Variants in KCNK13 observed in about 807,000 individuals in gnomAD.
The protein encoded by KCNK13 is potassium channel subfamily K member 13.
Under a neutral mutation model 23.4 loss-of-function variants are expected in KCNK13, and 12 were observed. That is an observed-to-expected ratio of 0.51 (90% CI 0.33 to 0.83). KCNK13 has a LOEUF of 0.83. Ranked by LOEUF, KCNK13 falls within the 40% of genes least tolerant of loss-of-function variation. KCNK13 has a pLI of 0.02. For missense variants in KCNK13, 463 were observed against 556.3 expected (o/e 0.83, Z 1.69); for synonymous variants, 231 against 229.5 (o/e 1.01, Z -0.06).
chr14:90,159,594 CG>C (rs1419791468), intron 1 of KCNK13, among the ~76,000 whole-genome samples: 3 of 152,158 alleles, frequency 2.0e-5, no homozygotes, highest in African/African-American at 7.2e-5. Context: ...TCAGCAAACA[CG>C]GGGGCTTGGC....
At chr14:90,162,659 A>G (rs1890264068) in intron 1 of KCNK13, among the ~76,000 whole-genome samples, 2 of 152,260 alleles carry the variant, frequency 1.3e-5, no homozygotes, top group Admixed American at 1.3e-4. Flanking sequence ...ATTAAATATT[A>G]CATTGTTTTT....
Position 90,092,064 on chromosome 14 carries a change from G to GGC in KCNK13, c.334+29526_334+29527insCG, listed in dbSNP as rs1889352799. 8.6e-5 allele frequency among the ~76,000 whole-genome samples: 13 copies of GGC among 151,828 alleles called. No homozygotes were observed. In the South Asian group the frequency reaches 2.1e-3, roughly 24 times the overall value. On this transcript the variant is annotated intron_variant, in intron 1 of 1. Transcript: ENST00000282146. ...AGCCTCCCGAGTAGCTGGGACTACA[G>GGC]GTGCCCGCCACCACACCTGGCTAAT...
chr14:90,080,996 C>G (rs776273887), intron 1 of KCNK13, among the ~76,000 whole-genome samples: 1 of 152,242 alleles, frequency 6.6e-6, no homozygotes, highest in Non-Finnish European at 1.5e-5. Flanking sequence ...GAGAGAATGA[C>G]TGCCCTAAAG....
At chr14:90,163,680 C>CTTATTTAT (rs10629193) in intron 1 of KCNK13, among the ~76,000 whole-genome samples, 44 of 151,668 alleles carry the variant, frequency 2.9e-4, no homozygotes, top group South Asian at 1.5e-3. Context: ...CTTCACGTTT[C>CTTATTTAT]TTATTTATTT....
chr14:90,082,326 A>C (rs1293185233), intron 1 of KCNK13, among the ~76,000 whole-genome samples: 1 of 151,794 alleles, frequency 6.6e-6, no homozygotes, highest in Non-Finnish European at 1.5e-5. Flanking sequence ...CGGCCTCCCA[A>C]AGTGCTAGGA....
At chr14:90,174,701 A>G (rs1389852278) in intron 1 of KCNK13, among the ~76,000 whole-genome samples, 1 of 151,890 alleles carries the variant, frequency 6.6e-6, no homozygotes, top group Non-Finnish European at 1.5e-5. Context: ...AAAAAATCCA[A>G]AAATTGGTTT....
intron 1 of KCNK13, among the ~76,000 whole-genome samples, chr14:90,063,247 G>A (rs2097653507): frequency 1.3e-5 from 2 of 152,126 alleles, no homozygotes; most frequent in Non-Finnish European, 2.9e-5. Context: ...AGACTAGGAA[G>A]GTCTGCTGGC....
At chr14:90,112,695 G>A (rs1339107189) in intron 1 of KCNK13, among the ~76,000 whole-genome samples, 1 of 152,078 alleles carries the variant, frequency 6.6e-6, no homozygotes, top group Non-Finnish European at 1.5e-5. Context: ...AATGCACATG[G>A]TAAAATTGCT....
chr14:90,174,169 G>A (rs967713590), intron 1 of KCNK13, among the ~76,000 whole-genome samples: 3 of 152,090 alleles, frequency 2.0e-5, no homozygotes, highest in African/African-American at 4.8e-5. Flanking sequence ...AATTAGCCGG[G>A]TGTGGTGGTG....
At chr14:90,130,346 C>T (rs1468374970) in intron 1 of KCNK13, among the ~76,000 whole-genome samples, 3 of 151,806 alleles carry the variant, frequency 2.0e-5, no homozygotes, top group Admixed American at 6.6e-5. Context: ...ATTACAGGCA[C>T]GCACCACCAC....
intron 1 of KCNK13, among the ~76,000 whole-genome samples, chr14:90,161,735 C>T (rs1159335425): frequency 6.6e-6 from 1 of 152,178 alleles, no homozygotes; most frequent in Non-Finnish European, 1.5e-5. Flanking sequence ...TAATCACAAT[C>T]CAAATATCTT....
At chr14:90,101,850 C>A (rs1474722837) in intron 1 of KCNK13, among the ~76,000 whole-genome samples, 2 of 143,204 alleles carry the variant, frequency 1.4e-5, no homozygotes, top group Non-Finnish European at 3.0e-5. Context: ...CTCATGTAAC[C>A]AAATACCACC....
intron 1 of KCNK13, among the ~76,000 whole-genome samples, chr14:90,094,706 G>A (rs1889388856): frequency 7.1e-6 from 1 of 141,790 alleles, no homozygotes; most frequent in Non-Finnish European, 1.5e-5. Context: ...GGAGTGCAGT[G>A]GCGCGATCTC....
chr14:90,094,478 G>C (rs1167085227), intron 1 of KCNK13, among the ~76,000 whole-genome samples: 1 of 152,014 alleles, frequency 6.6e-6, no homozygotes, highest in Non-Finnish European at 1.5e-5. Context: ...TCCTCTTCCT[G>C]TGGCTAAACC....
intron 1 of KCNK13, among the ~76,000 whole-genome samples, chr14:90,162,469 T>C (rs1890262563): frequency 6.6e-6 from 1 of 152,218 alleles, no homozygotes; most frequent in Non-Finnish European, 1.5e-5. Flanking sequence ...AGTGATATTA[T>C]GCTGTAGTTT....
chr14:90,133,449 C>T (rs1889898551), intron 1 of KCNK13, among the ~76,000 whole-genome samples: 1 of 151,834 alleles, frequency 6.6e-6, no homozygotes, highest in East Asian at 1.9e-4. Context: ...CAAACGTTCA[C>T]GGTGGAGACT....
chr14:90,125,389 A>C (rs12892507), intron 1 of KCNK13, among the ~76,000 whole-genome samples: 75,231 of 151,044 alleles, frequency 0.5, 18,665 homozygotes, highest in African/African-American at 0.53. Context: ...ACACCCCGCT[A>C]ATTTTTTGTA....
At chr14:90,134,955 A>G (rs1207694341) in intron 1 of KCNK13, among the ~76,000 whole-genome samples, 1 of 152,266 alleles carries the variant, frequency 6.6e-6, no homozygotes, top group Non-Finnish European at 1.5e-5. Flanking sequence ...TGGAGCTCAC[A>G]GTAGCCTGCT....
At chr14:90,126,436 A>G (rs1889800876) in intron 1 of KCNK13, among the ~76,000 whole-genome samples, 1 of 97,404 alleles carries the variant, frequency 1.0e-5, no homozygotes, top group Non-Finnish European at 2.5e-5. Flanking sequence ...CCTTGATGTG[A>G]CGTGATGTGA....
Sources: gnomAD v4.1 joint callset for allele counts (sites outside exome capture counted in the v4.1 genomes callset) on GRCh38, gnomAD v4.1.1 for gene constraint, MANE v1.5 for transcripts, NCBI Gene and HGNC (gene_info 2026-07-23, HGNC 2026-07-21) for gene names.